LRRIQ3: variants seen among roughly 807,000 people sequenced by gnomAD.
LRRIQ3 encodes leucine-rich repeat and IQ domain-containing protein 3.
In LRRIQ3, 75 loss-of-function variants were observed where a neutral mutation model predicts 59.3. That is an observed-to-expected ratio of 1.26 (90% CI 1.05 to 1.53). LRRIQ3 has a LOEUF of 1.53. Ranked by LOEUF, LRRIQ3 falls within the 40% of genes most tolerant of loss-of-function variation. The pLI is 0.00. For missense variants in LRRIQ3, 831 were observed against 710.0 expected (o/e 1.17, Z -1.94); for synonymous variants, 250 against 231.3 (o/e 1.08, Z -0.73).
At chr1:74,186,343 G>A (rs2100732457) in intron 1 of LRRIQ3, among the ~76,000 whole-genome samples, 1 of 151,978 alleles carries the variant, frequency 6.6e-6, no homozygotes, top group South Asian at 2.1e-4. Flanking sequence ...AACTACTAAT[G>A]GTATTATTCC....
intron 3 of LRRIQ3, among the ~76,000 whole-genome samples, chr1:74,168,980 A>G (rs1570248718): frequency 6.6e-6 from 1 of 152,136 alleles, no homozygotes. Flanking sequence ...TTTACAATAC[A>G]TTATTGCAAG....
chr1:74,088,188 C>T (rs1169018232), intron 5 of LRRIQ3, among the ~76,000 whole-genome samples: 2 of 152,074 alleles, frequency 1.3e-5, no homozygotes, highest in Non-Finnish European at 2.9e-5. Flanking sequence ...TAACTCTCCA[C>T]ATAGATTTCT....
At chr1:74,185,478 A>G (rs1044973230) in intron 1 of LRRIQ3, among the ~76,000 whole-genome samples, 14 of 152,024 alleles carry the variant, frequency 9.2e-5, no homozygotes, top group African/African-American at 3.4e-4. Flanking sequence ...TCTTTTGTCC[A>G]TTATATTTTG....
intron 6 of LRRIQ3, among the ~76,000 whole-genome samples, chr1:74,058,991 A>G (rs1243492457): frequency 6.6e-6 from 1 of 152,056 alleles, no homozygotes; most frequent in Non-Finnish European, 1.5e-5. Flanking sequence ...GTTTTTTATT[A>G]TAGCCATCTG....
At chr1:74,159,705 G>A (rs949249384) in intron 3 of LRRIQ3, among the ~76,000 whole-genome samples, 8 of 151,968 alleles carry the variant, frequency 5.3e-5, no homozygotes, top group African/African-American at 1.9e-4. Flanking sequence ...CCACATAGCT[G>A]TAATCTCCTG....
rs144176862 is a variant in LRRIQ3 at position 74,159,201 on chromosome 1, G to A, written c.574-3335C>T. On this transcript the variant is annotated intron_variant, in intron 3 of 7. Transcript: ENST00000354431. Reference sequence around the variant, plus strand: ...TTGTAATAATCCCACTCTGCCTATTGCAATAGTTCCTTTCCCTCACGTGCA... The same window carrying A: ...TTGTAATAATCCCACTCTGCCTATTACAATAGTTCCTTTCCCTCACGTGCA... Among the ~76,000 whole-genome samples, 419 of 152,168 alleles carry A rather than the reference G, an allele frequency of 2.8e-3. 1 individual carries two copies. The highest frequency in any genetic ancestry group is 9.5e-3 in the African/African-American group (395 of 41,530).
intron 5 of LRRIQ3, 76 bp downstream of exon 5, chr1:74,109,318 T>C (rs766147553): frequency 2.9e-6 from 3 of 1,033,564 alleles, no homozygotes; most frequent in South Asian, 3.0e-5. Flanking sequence ...ACTGAAGAAA[T>C]AATAGCGCTA....
intron 5 of LRRIQ3, among the ~76,000 whole-genome samples, chr1:74,080,866 AGG>A (rs1646266662): frequency 6.6e-6 from 1 of 151,598 alleles, no homozygotes; most frequent in Non-Finnish European, 1.5e-5. Context: ...GCAAGTAAAT[AGG>A]GTTGTCCTCA....
chr1:74,133,810 T>G (rs1647071718), intron 4 of LRRIQ3, among the ~76,000 whole-genome samples: 1 of 151,932 alleles, frequency 6.6e-6, no homozygotes, highest in East Asian at 1.9e-4. Context: ...TGTATACATA[T>G]GTAACAAACC....
At chr1:74,127,207 C>G (rs1646948326) in intron 4 of LRRIQ3, among the ~76,000 whole-genome samples, 1 of 151,850 alleles carries the variant, frequency 6.6e-6, no homozygotes. Context: ...ATATCTTTTT[C>G]CATTCCTTAT....
At chr1:74,178,026 CT>C (rs150606754) in intron 3 of LRRIQ3, among the ~76,000 whole-genome samples, 1 of 151,750 alleles carries the variant, frequency 6.6e-6, no homozygotes, top group Non-Finnish European at 1.5e-5. Flanking sequence ...GTGGCAGTTA[CT>C]TTTTATATCA....
At chr1:74,105,730 T>C (rs1455947833) in intron 5 of LRRIQ3, among the ~76,000 whole-genome samples, 1 of 152,078 alleles carries the variant, frequency 6.6e-6, no homozygotes, top group East Asian at 1.9e-4. Context: ...TGAGAACATT[T>C]AATTTTATTT....
intron 4 of LRRIQ3, among the ~76,000 whole-genome samples, chr1:74,139,140 A>G (rs1439224819): frequency 7.1e-6 from 1 of 140,240 alleles, no homozygotes; most frequent in Non-Finnish European, 1.5e-5. Context: ...ATATATATAT[A>G]CATGTGTGTG....
chr1:74,124,559 A>G (rs1646908129), intron 4 of LRRIQ3, among the ~76,000 whole-genome samples: 1 of 151,836 alleles, frequency 6.6e-6, no homozygotes, highest in African/African-American at 2.4e-5. Flanking sequence ...TGGTGGTCCA[A>G]TATCATTGCT....
intron 4 of LRRIQ3, among the ~76,000 whole-genome samples, chr1:74,144,204 G>A (rs1647408006): frequency 6.6e-6 from 1 of 151,538 alleles, no homozygotes; most frequent in South Asian, 2.1e-4. Context: ...CTGACCTTTG[G>A]TCTAATTTCC....
At chr1:74,173,904 G>T (rs568003042) in intron 3 of LRRIQ3, among the ~76,000 whole-genome samples, 5 of 151,882 alleles carry the variant, frequency 3.3e-5, no homozygotes, top group Non-Finnish European at 5.9e-5. Flanking sequence ...TGGTTGTCAC[G>T]TTTTGGGTTT....
At chr1:74,108,536 G>A (rs1162514017) in intron 5 of LRRIQ3, among the ~76,000 whole-genome samples, 2 of 151,682 alleles carry the variant, frequency 1.3e-5, no homozygotes, top group Non-Finnish European at 3.0e-5. Context: ...TAAGACTAAT[G>A]ACAGTCTGGA....
rs1019254795 is a variant in LRRIQ3, at chr1:74,097,555, T to C, written c.867+11839A>G. ...ATTCAAATTCAGGAAATACAGAGAA[T>C]GCCACAAAGATACTCCTCGAGAAGA... On this transcript the variant is annotated intron_variant, in intron 5 of 7. Transcript: ENST00000354431. Among the ~76,000 whole-genome samples, 9 of 152,074 alleles carry C rather than the reference T, an allele frequency of 5.9e-5. No homozygotes were observed. The South Asian group carries it at 6.2e-4, about 11-fold the overall frequency.
chr1:74,114,799 A>G (rs903361226), intron 4 of LRRIQ3, among the ~76,000 whole-genome samples: 12 of 151,842 alleles, frequency 7.9e-5, no homozygotes, highest in African/African-American at 2.9e-4. Context: ...CAATAAAGAA[A>G]TGTAAATGTT....
Sources: gnomAD v4.1 joint callset for allele counts (sites outside exome capture counted in the v4.1 genomes callset) on GRCh38, gnomAD v4.1.1 for gene constraint, MANE v1.5 for transcripts, NCBI Gene and HGNC (gene_info 2026-07-23, HGNC 2026-07-21) for gene names.